Variants in NAV2 observed in about 807,000 individuals in gnomAD.
NAV2 encodes helicase, APC down-regulated 1.
In NAV2, 54 loss-of-function variants were observed where a neutral mutation model predicts 223.2. The observed-to-expected ratio is 0.24, with a 90% CI of 0.19 to 0.30. The LOEUF (loss-of-function observed/expected upper bound fraction) is 0.30. NAV2 is among the 10% of genes least tolerant of loss of function. The probability of loss-of-function intolerance (pLI) is 1.00; values close to 1 mark genes in which losing one functional copy is unlikely to be tolerated. For synonymous variants in NAV2, 1,279 were observed against 1,239.3 expected (o/e 1.03, Z -0.67); for missense variants, 2,806 against 3,147.5 (o/e 0.89, Z 2.60).
intron 10 of NAV2, among the ~76,000 whole-genome samples, chr11:19,956,357 G>GACACACAC (rs1175384430): frequency 6.9e-6 from 1 of 144,602 alleles, no homozygotes; most frequent in African/African-American, 2.5e-5. Flanking sequence ...CCACACCCCC[G>GACACACAC]ACACACATAC....
At chr11:19,770,670 C>G (rs74982319) in intron 1 of NAV2, among the ~76,000 whole-genome samples, 1 of 152,174 alleles carries the variant, frequency 6.6e-6, no homozygotes, top group Non-Finnish European at 1.5e-5. Flanking sequence ...TAAAAAACCA[C>G]TTACCCTGGA....
At chr11:19,920,113 A>G (rs2044153796) in intron 6 of NAV2, among the ~76,000 whole-genome samples, 2 of 152,158 alleles carry the variant, frequency 1.3e-5, no homozygotes, top group Non-Finnish European at 2.9e-5. Flanking sequence ...CATCCTGGGC[A>G]ACAGAGCAAG....
chr11:19,960,211 A>G lies in NAV2; in HGVS notation c.2645+11131A>G, dbSNP rs1468061506. ...TTTTGTGCCAACTTTTGATCATTCA[A>G]GGTTCTTACCAGGGGCCCATGAGCT... On this transcript the variant is annotated intron_variant, in intron 10 of 37. Transcript: ENST00000349880. 5.9e-5 allele frequency among the ~76,000 whole-genome samples: 9 copies of G among 152,158 alleles called. No individual in the cohort carries two copies. In the South Asian group the frequency reaches 1.2e-3, roughly 21 times the overall value.
In NAV2 at chr11:20,107,930, G is replaced by A. The variant is rs918985385; in HGVS notation, c.6960+148G>A. ...GAGTTCATCAGTGTAGTCCAGTGTAGGGACACACCTGGCTGCAAGTCCTGG... is the reference window on the plus strand; with the variant it reads ...GAGTTCATCAGTGTAGTCCAGTGTAAGGACACACCTGGCTGCAAGTCCTGG... On this transcript the variant is annotated intron_variant, in intron 36 of 37. Transcript: ENST00000349880. 8 of 654,112 alleles carry A rather than the reference G, an allele frequency of 1.2e-5. No homozygotes were observed. The African/African-American group carries it at 1.4e-4, about 12-fold the overall frequency. 40.5% of individuals were successfully genotyped at this position (654,112 alleles called of 1,614,324 possible).
chr11:19,607,091 C>G (rs1554973177), intron 1 of NAV2, among the ~76,000 whole-genome samples: 2 of 152,196 alleles, frequency 1.3e-5, no homozygotes, highest in Non-Finnish European at 2.9e-5. Context: ...CAGAGCAGGC[C>G]GGTAACCACA....
chr11:19,930,683 AGAAT>A (rs1330936654), intron 6 of NAV2, among the ~76,000 whole-genome samples: 3 of 152,266 alleles, frequency 2.0e-5, no homozygotes, highest in African/African-American at 7.2e-5. Context: ...AGGAGCTCAA[AGAAT>A]GAATAGATAC....
chr11:19,973,041 G>C (rs2049384818), intron 10 of NAV2, among the ~76,000 whole-genome samples: 3 of 152,172 alleles, frequency 2.0e-5, no homozygotes, highest in African/African-American at 7.2e-5. Flanking sequence ...CTACAGCAGG[G>C]ATTGTCTCAC....
At chr11:19,478,934 C>T (rs1175116267) in intron 1 of NAV2, among the ~76,000 whole-genome samples, 2 of 152,192 alleles carry the variant, frequency 1.3e-5, no homozygotes, top group African/African-American at 4.8e-5. Flanking sequence ...TTTCATTACA[C>T]GAGACAGGTG....
intron 1 of NAV2, among the ~76,000 whole-genome samples, chr11:19,601,907 G>A (rs1190583943): frequency 6.6e-6 from 1 of 152,224 alleles, no homozygotes; most frequent in Admixed American, 6.5e-5. Context: ...GGCATATGAT[G>A]TCTGTCCTGC....
chr11:19,629,095 G>T (rs2047263147), intron 1 of NAV2, among the ~76,000 whole-genome samples: 1 of 152,098 alleles, frequency 6.6e-6, no homozygotes, highest in South Asian at 2.1e-4. Flanking sequence ...AAATGTGGTG[G>T]CCATTCATTG....
chr11:19,670,667 G>C (rs1439728468), intron 1 of NAV2, among the ~76,000 whole-genome samples: 1 of 152,178 alleles, frequency 6.6e-6, no homozygotes, highest in Non-Finnish European at 1.5e-5. Context: ...GGTGCTAATT[G>C]CTTGGTCCCT....
At chr11:19,690,447 C>T (rs1364795) in intron 1 of NAV2, among the ~76,000 whole-genome samples, 98,392 of 152,060 alleles carry the variant, frequency 0.65, 36,480 homozygotes, top group Non-Finnish European at 0.82. Context: ...TTAATTTCTT[C>T]ATATATTAAA....
intron 1 of NAV2, among the ~76,000 whole-genome samples, chr11:19,649,581 G>A (rs2047908473): frequency 6.6e-6 from 1 of 152,026 alleles, no homozygotes; most frequent in East Asian, 1.9e-4. Flanking sequence ...GTCTCTCTGG[G>A]GCCTCTTTTA....
chr11:20,082,912 G>T, intron 25 of NAV2, 95 bp from the exon 26 acceptor site: 1 of 1,195,950 alleles, frequency 8.4e-7, no homozygotes, highest in Non-Finnish European at 1.2e-6. Flanking sequence ...AAAAACATGG[G>T]AGAATTAATC....
intron 1 of NAV2, among the ~76,000 whole-genome samples, chr11:19,605,825 G>C (rs1293341494): frequency 6.6e-6 from 1 of 152,124 alleles, no homozygotes; most frequent in African/African-American, 2.4e-5. Flanking sequence ...GGTATTCCAG[G>C]CCCCAGACAG....
chr11:20,095,457 T>C (rs907233116), intron 29 of NAV2, among the ~76,000 whole-genome samples: 2 of 152,226 alleles, frequency 1.3e-5, no homozygotes, highest in Non-Finnish European at 2.9e-5. Context: ...GGAAATCCTC[T>C]TTTCCTGACT....
intron 11 of NAV2, among the ~76,000 whole-genome samples, chr11:20,021,936 G>T (rs1353113191): frequency 6.6e-6 from 1 of 152,184 alleles, no homozygotes; most frequent in East Asian, 1.9e-4. Context: ...TCTGTTTGCT[G>T]AGCAAATGCT....
chr11:19,968,470 T>C (rs2048958338), intron 10 of NAV2, among the ~76,000 whole-genome samples: 1 of 152,174 alleles, frequency 6.6e-6, no homozygotes, highest in South Asian at 2.1e-4. Context: ...TCCACCCACC[T>C]CGGCCTCCCA....
intron 1 of NAV2, among the ~76,000 whole-genome samples, chr11:19,783,992 T>C (rs2056931652): frequency 6.6e-6 from 1 of 152,148 alleles, no homozygotes; most frequent in East Asian, 1.9e-4. Context: ...GCAAAACATG[T>C]TACTTTTTAT....
Sources: gnomAD v4.1 joint callset for allele counts (sites outside exome capture counted in the v4.1 genomes callset) on GRCh38, gnomAD v4.1.1 for gene constraint, MANE v1.5 for transcripts, NCBI Gene and HGNC (gene_info 2026-07-23, HGNC 2026-07-21) for gene names.